Variants in MYPOP observed in about 807,000 individuals in gnomAD.
The protein encoded by MYPOP is Myb related transcription factor, partner of profilin.
MYPOP carries 21 observed loss-of-function variants against 25.7 expected under a neutral mutation model. The observed-to-expected ratio is 0.82, with a 90% CI of 0.58 to 1.18. The LOEUF is 1.18. MYPOP is among the 50% of genes most tolerant of loss of function. MYPOP has a pLI of 0.00. For synonymous variants in MYPOP, 280 were observed against 247.9 expected (o/e 1.13, Z -1.22); for missense variants, 566 against 588.3 (o/e 0.96, Z 0.39).
At chr19:45,896,348 G>A (rs1174872396) in intron 2 of MYPOP, among the ~76,000 whole-genome samples, 7 of 152,076 alleles carry the variant, frequency 4.6e-5, no homozygotes, top group Admixed American at 4.6e-4. Context: ...TGGGAGTCCA[G>A]CCTCCCTGGG....
chr19:45,899,464 AT>A, intron 2 of MYPOP, among the ~76,000 whole-genome samples: 1 of 152,260 alleles, frequency 6.6e-6, no homozygotes, highest in South Asian at 2.1e-4. Context: ...CTGAGGTTTG[AT>A]TCAAGGTTTG....
intron 2 of MYPOP, among the ~76,000 whole-genome samples, chr19:45,894,105 T>C (rs1214141738): frequency 6.7e-6 from 1 of 150,234 alleles, no homozygotes; most frequent in Non-Finnish European, 1.5e-5. Context: ...ACTTTATTTT[T>C]AATTTTTATT....
Position 45,901,288 on chromosome 19 carries a change from C to T in MYPOP, c.486G>A (p.Glu162=). The stretch of plus-strand genomic sequence containing the variant: ...GAAGACACTCACCTGCACGTCGGTC[C>T]TCCCGGCGGTCTTCCGACAACACGT... ...QRYVLSEDRR[E]DRRADTSAHS... Residue 162 remains glutamate, a synonymous_variant, in exon 2 of 3, where the codon GAG becomes GAA. Coordinates refer to ENST00000322217, the MANE Select transcript of MYPOP (RefSeq NM_001012643.4). The surrounding 1 kb of genome is among the most constrained non-coding windows in gnomAD (Gnocchi z 5.7). The T allele has an allele frequency of 1.4e-6, 2 of 1,449,498 alleles. No individual in the cohort carries two copies. The highest frequency in any genetic ancestry group is 1.8e-6 in the Non-Finnish European group (2 of 1,102,222). 89.8% of individuals were successfully genotyped at this position (1,449,498 alleles called of 1,614,324 possible).
chr19:45,897,916 GTTTTCT>G (rs1029341090), intron 2 of MYPOP, among the ~76,000 whole-genome samples: 2 of 148,980 alleles, frequency 1.3e-5, no homozygotes, highest in Non-Finnish European at 3.0e-5. Flanking sequence ...TTCCCTACTT[GTTTTCT>G]TTTCTTTTTT....
chr19:45,899,604 C>T (rs185909737), intron 2 of MYPOP, among the ~76,000 whole-genome samples: 2 of 152,228 alleles, frequency 1.3e-5, no homozygotes, highest in East Asian at 3.9e-4. Context: ...CTTTGGGAGG[C>T]CGAGGTGGGT....
At chr19:45,895,972 G>GAA (rs577728240) in intron 2 of MYPOP, among the ~76,000 whole-genome samples, 3,423 of 149,436 alleles carry the variant, frequency 0.023, 63 homozygotes, top group Non-Finnish European at 0.039. Context: ...AGAAGATAGA[G>GAA]AAAAAAAAAA....
rs1967303556 is a variant in MYPOP at position 45,901,901 on chromosome 19, G to A, written c.-52-76C>T. ...GCCGCCTCTCCCAGACCGCCGGGCC[G>A]AGAGCTCCTTAGTCCCCGGGGGCAG... On this transcript the variant is annotated intron_variant, in intron 1 of 2. Transcript: ENST00000322217. The surrounding 1 kb of genome is among the most constrained non-coding windows in gnomAD (Gnocchi z 5.7). The A allele has an allele frequency of 1.7e-5, 13 of 759,368 alleles. No homozygotes were observed. Among genetic ancestry groups the A allele is most frequent in the Non-Finnish European group, 2.3e-5 (13 of 560,800 alleles). The allele number at this position is 759,368 out of a possible 1,614,324, so 47.0% of individuals were successfully genotyped here.
rs1967282730 is a variant in MYPOP at position 45,901,159 on chromosome 19, G to C, written c.499+116C>G. 1 of 986,036 alleles carries C rather than the reference G, an allele frequency of 1.0e-6. No homozygotes were observed. Among genetic ancestry groups the C allele is most frequent in the East Asian group, 3.3e-5 (1 of 30,534 alleles). The allele number at this position is 986,036 out of a possible 1,614,324, so 61.1% of individuals were successfully genotyped here. ...ATTTTTCTGAGCTTCAGTTTCCCTA[G>C]CTATAAAATGGGGCGAAGGACAGCA... On this transcript the variant is annotated intron_variant, in intron 2 of 2. Coordinates refer to ENST00000322217, the MANE Select transcript of MYPOP (RefSeq NM_001012643.4). The surrounding 1 kb of genome is among the most constrained non-coding windows in gnomAD (Gnocchi z 5.7).
chr19:45,902,178 T>G (rs1600574369), intron 1 of MYPOP, among the ~76,000 whole-genome samples: 1 of 104,606 alleles, frequency 9.6e-6, no homozygotes. Flanking sequence ...AGGATGGGGG[T>G]GCCTCGGGGG....
In MYPOP at chr19:45,890,746, T is replaced by G. The variant is rs1967107510; in HGVS notation, c.1077A>C (p.Pro359=). 1.3e-6 allele frequency: 2 copies of G among 1,560,596 alleles called. No individual in the cohort carries two copies. Among genetic ancestry groups the G allele is most frequent in the Non-Finnish European group, 1.7e-6 (2 of 1,153,124 alleles). ...GCCGGGGTGCCCCCTCCTCGCTCCT[T>G]GGGGCAATGATCACTCCCCTGGCTG... ...VVAARGVIIA[P]RSEEGAPRPP... is the part of the protein sequence containing the mutation. Residue 359 remains proline, a synonymous_variant, in exon 3 of 3, where the codon CCA becomes CCC. Coordinates refer to ENST00000322217, the MANE Select transcript of MYPOP (RefSeq NM_001012643.4).
intron 2 of MYPOP, among the ~76,000 whole-genome samples, chr19:45,900,161 T>G (rs1967266213): frequency 6.6e-6 from 1 of 152,188 alleles, no homozygotes; most frequent in Admixed American, 6.5e-5. Flanking sequence ...TGGCTTCTCA[T>G]AGCAGTCAGG....
chr19:45,896,297 A>G (rs893057270), intron 2 of MYPOP, among the ~76,000 whole-genome samples: 2 of 152,224 alleles, frequency 1.3e-5, no homozygotes, highest in South Asian at 4.1e-4. Flanking sequence ...TCAAAAACAA[A>G]CAAGCAAGCA....
Position 45,901,210 on chromosome 19 carries a change from C to A in MYPOP, c.499+65G>T. The stretch of plus-strand genomic sequence containing the variant: ...TCCACCTCACAGGGCTGCAGCAAGG[C>A]TTTGATGAGACATGTAAAAGGCTTG... On this transcript the variant is annotated intron_variant, in intron 2 of 2. Coordinates refer to ENST00000322217, the MANE Select transcript of MYPOP (RefSeq NM_001012643.4). This position sits in a 1 kb window ranked among gnomAD's most constrained non-coding sequence, Gnocchi z 5.7. 7.3e-7 allele frequency: 1 copy of A among 1,367,730 alleles called. No homozygotes were observed. Among genetic ancestry groups the A allele is most frequent in the South Asian group, 1.7e-5 (1 of 57,414 alleles). 84.7% of individuals were successfully genotyped at this position (1,367,730 alleles called of 1,614,324 possible). A position where few individuals can be genotyped will look rare whatever the true frequency, so the allele number is the denominator to read the frequency against.
chr19:45,898,041 A>G lies in MYPOP; in HGVS notation c.499+3234T>C, dbSNP rs1443190071. ...CAGGTTCAAGTGATTCTCCAGCCTC[A>G]GCCTCCTGAGTACCTGGGACTACAG... On this transcript the variant is annotated intron_variant, in intron 2 of 2. Coordinates refer to ENST00000322217, the MANE Select transcript of MYPOP (RefSeq NM_001012643.4). Among the ~76,000 whole-genome samples, 10 of 151,940 alleles carry G rather than the reference A, an allele frequency of 6.6e-5. No individual in the cohort carries two copies. The East Asian group carries it at 1.9e-3, about 29-fold the overall frequency.
At chr19:45,896,166 C>CTG (rs1179858562) in intron 2 of MYPOP, among the ~76,000 whole-genome samples, 7 of 152,230 alleles carry the variant, frequency 4.6e-5, no homozygotes, top group African/African-American at 1.7e-4. Flanking sequence ...TGGTGCACGC[C>CTG]TGTGATCCCA....
At chr19:45,897,064 T>C (rs1328380209) in intron 2 of MYPOP, among the ~76,000 whole-genome samples, 2 of 147,472 alleles carry the variant, frequency 1.4e-5, no homozygotes, top group African/African-American at 2.6e-5. Context: ...CCAGAGTCCA[T>C]GGCCTTTTTT....
chr19:45,900,324 A>G (rs559795411), intron 2 of MYPOP, among the ~76,000 whole-genome samples: 1 of 152,248 alleles, frequency 6.6e-6, no homozygotes, highest in South Asian at 2.1e-4. Context: ...AAACTGGCCA[A>G]GCTTTCTTGC....
intron 2 of MYPOP, among the ~76,000 whole-genome samples, chr19:45,897,177 C>T (rs959942853): frequency 6.6e-6 from 1 of 152,074 alleles, no homozygotes; most frequent in Admixed American, 6.6e-5. Flanking sequence ...ATTCTCCTGC[C>T]TCAGCCTCCC....
At chr19:45,892,625 C>G (rs1374355907) in intron 2 of MYPOP, among the ~76,000 whole-genome samples, 2 of 152,202 alleles carry the variant, frequency 1.3e-5, no homozygotes, top group Non-Finnish European at 2.9e-5. Flanking sequence ...CAGCCACCCC[C>G]ATCTCAGCTG....
Sources: gnomAD v4.1 joint callset for allele counts (sites outside exome capture counted in the v4.1 genomes callset) on GRCh38, gnomAD v4.1.1 for gene constraint, Gnocchi (gnomAD v3.1) non-coding constraint, MANE v1.5 for transcripts, NCBI Gene and HGNC (gene_info 2026-07-23, HGNC 2026-07-21) for gene names.